Variants in MGAM observed in about 807,000 individuals in gnomAD.
MGAM encodes the protein alpha-1,4-glucosidase.
A neutral mutation model predicts 358.8 loss-of-function variants in MGAM; 253 were observed. The observed-to-expected ratio is 0.71, with a 90% confidence interval of 0.64 to 0.78. The LOEUF (loss-of-function observed/expected upper bound fraction) is 0.78. Among genes scored for constraint, MGAM ranks in the 30% least tolerant of loss-of-function variants. The probability of loss-of-function intolerance (pLI) is 0.00; values close to 1 mark genes in which losing one functional copy is unlikely to be tolerated. For missense variants in MGAM, 3,080 were observed against 3,432.6 expected (o/e 0.90, Z 2.57); for synonymous variants, 1,105 against 1,227.1 (o/e 0.90, Z 2.08).
At chr7:142,026,122 G>A (rs1806942079) in intron 8 of MGAM, among the ~76,000 whole-genome samples, 1 of 152,044 alleles carries the variant, frequency 6.6e-6, no homozygotes, top group East Asian at 1.9e-4. Context: ...TCCTAGATAC[G>A]AATCAAGGTA....
chr7:142,066,668 G>C lies in MGAM; in HGVS notation c.4866G>C (p.Leu1622Phe), dbSNP rs1250415420. 2 of 1,555,992 alleles carry C rather than the reference G, an allele frequency of 1.3e-6. No homozygotes were observed. The highest frequency in any genetic ancestry group is 4.6e-5 in the East Asian group (2 of 43,932). ...RYTLLPYLYT[L>F]MQKAHTEGVT... Reference sequence around the variant, plus strand: ...CCCTGTTGCCATATCTGTATACCTTGATGCAAAAGGCCCACACGGAGGGCG... The same window carrying C: ...CCCTGTTGCCATATCTGTATACCTTCATGCAAAAGGCCCACACGGAGGGCG... Residue 1622 changes from leucine to phenylalanine, a missense_variant, in exon 41 of 71, where the codon TTG becomes TTC. By Grantham distance (22) the Leu-to-Phe change is conservative (BLOSUM62 0). This residue lies in a region of MGAM where 134 missense variants were observed against 198.4 expected (regional missense o/e 0.68). Coordinates refer to ENST00000475668, the MANE Select transcript of MGAM (RefSeq NM_001365693.1).
chr7:142,057,044 T>C (rs1158617920), intron 30 of MGAM, 102 bp downstream of exon 30: 2 of 1,008,252 alleles, frequency 2.0e-6, no homozygotes, highest in South Asian at 1.8e-5. Context: ...CTGGAAATAT[T>C]GGTCTTTCTT....
At chr7:142,027,017 T>A (rs1807038380) in intron 8 of MGAM, 98 bp from the exon 9 acceptor site, 1 of 913,878 alleles carries the variant, frequency 1.1e-6, no homozygotes, top group Non-Finnish European at 1.8e-6. Context: ...ACCTTGTTAA[T>A]GTTCACATGG....
rs1357597528 is a variant in MGAM at position 142,063,594 on chromosome 7, G to A, written c.4345+8G>A. ...ACCCTCCCTACATGCCACGTAAGAAGCCTTGGCCTCCTTGACTGGCAGAGC... is the reference window on the plus strand; with the variant it reads ...ACCCTCCCTACATGCCACGTAAGAAACCTTGGCCTCCTTGACTGGCAGAGC... On this transcript the variant is annotated splice_region_variant and intron_variant, in intron 36 of 70. Transcript: ENST00000475668. 1 of 1,612,562 alleles carries A rather than the reference G, an allele frequency of 6.2e-7. No individual in the cohort carries two copies. The highest frequency in any genetic ancestry group is 8.5e-7 in the Non-Finnish European group (1 of 1,179,220).
At position 142,076,831 on chromosome 7, in the gene MGAM, A is replaced by G. The variant is rs1813787603; in HGVS notation, c.5493+5A>G. 6.4e-7 allele frequency: 1 copy of G among 1,551,384 alleles called. No homozygotes were observed. Among genetic ancestry groups the G allele is most frequent in the Non-Finnish European group, 8.9e-7 (1 of 1,128,806 alleles). On this transcript the variant is annotated splice_donor_5th_base_variant and intron_variant, in intron 47 of 70. Transcript: ENST00000475668. The stretch of plus-strand genomic sequence containing the variant: ...ACTTATGATTCTAACCTGAAGGTAA[A>G]AACCCATTTTGTTGAGATGGTACAT...
rs761554076 is a variant in MGAM, at chr7:142,083,416, AG to A, written c.6381+6del. 23 of 1,533,916 alleles carry A rather than the reference AG, an allele frequency of 1.5e-5. 2 individuals carry two copies. Among genetic ancestry groups the A allele is most frequent in the Non-Finnish European group, 2.1e-5 (23 of 1,116,548 alleles). ...TTGTCACCCAGCAGTACACTGAGGT[AG>A]GGAGAAATCCAATTGTTTATCAAGT... is the stretch of plus-strand genomic sequence containing the variant. On this transcript the variant is annotated splice_donor_region_variant and intron_variant, in intron 53 of 70. Coordinates refer to ENST00000475668, the MANE Select transcript of MGAM (RefSeq NM_001365693.1).
At position 142,090,814 on chromosome 7, in the gene MGAM, G is replaced by A. The variant is rs201234417; in HGVS notation, c.6811-1099G>A. 6.1e-5 allele frequency among the ~76,000 whole-genome samples: 9 copies of A among 146,622 alleles called. 1 individual carries two copies. The South Asian group carries it at 6.5e-4, about 11-fold the overall frequency. ...ACAAGCAACATTTATTTGCTGCTTC[G>A]AAGTGGTGTGAACCCACCATTAAAC... On this transcript the variant is annotated intron_variant, in intron 57 of 70. Transcript: ENST00000475668.
chr7:142,024,987 C>A, intron 7 of MGAM, 63 bp from the exon 8 acceptor site: 1 of 1,198,154 alleles, frequency 8.3e-7, no homozygotes, highest in Non-Finnish European at 1.2e-6. Flanking sequence ...CCTAAACCAA[C>A]CCCACAGTGT....
chr7:142,030,671 AG>A lies in MGAM; in HGVS notation c.1385del (p.Ser462IlefsTer13). ...DPAISNNSSS[S>X]KPYGPYDRGS... The stretch of plus-strand genomic sequence containing the variant: ...AGCCATCTCCAACAACTCTTCCTCA[AG>A]TAAACCCTATGGCCCATATGACAGG... On this transcript the variant is annotated frameshift_variant, in exon 12 of 71. Coordinates refer to ENST00000475668, the MANE Select transcript of MGAM (RefSeq NM_001365693.1). LOFTEE classifies it high-confidence loss of function. 1 of 1,613,230 alleles carries A rather than the reference AG, an allele frequency of 6.2e-7. No homozygotes were observed. Among genetic ancestry groups the A allele is most frequent in the Non-Finnish European group, 8.5e-7 (1 of 1,179,304 alleles).
chr7:142,042,529 AT>A (rs544158887), intron 21 of MGAM, among the ~76,000 whole-genome samples: 1 of 1,686 alleles, frequency 5.9e-4, no homozygotes, highest in East Asian at 0.022. Flanking sequence ...TATACATATT[AT>A]ATATATAATA....
chr7:142,098,115 AC>A (rs1816109864), intron 66 of MGAM, among the ~76,000 whole-genome samples: 1 of 152,176 alleles, frequency 6.6e-6, no homozygotes, highest in Non-Finnish European at 1.5e-5. Flanking sequence ...GCACATAATT[AC>A]CTAAGGTAAG....
rs201338625 is a variant in MGAM at position 142,052,930 on chromosome 7, G to A, written c.3105G>A (p.Val1035=). 2,063 of 1,613,774 alleles carry A rather than the reference G, an allele frequency of 1.3e-3. 3 individuals carry two copies. The highest frequency in any genetic ancestry group is 1.6e-3 in the Non-Finnish European group (1,909 of 1,179,834). ...VYANAFPSTP[V]NPLRLDVTYH... Reference sequence around the variant, plus strand: ...CCAATGCCTTCCCCTCCACACCCGTGAACCCCCTTCGCCTGGATGTCACTT... The same window carrying A: ...CCAATGCCTTCCCCTCCACACCCGTAAACCCCCTTCGCCTGGATGTCACTT... The change falls in exon 26 of 71, where the codon GTG becomes GTA. Residue 1035 remains valine, a synonymous_variant. Transcript: ENST00000475668.
intron 10 of MGAM, among the ~76,000 whole-genome samples, chr7:142,029,690 G>T (rs1369906413): frequency 6.6e-6 from 1 of 152,076 alleles, no homozygotes; most frequent in African/African-American, 2.4e-5. Flanking sequence ...AAACATTTTT[G>T]TACTTTGAAT....
chr7:141,998,985 C>G (rs1252394940), intron 1 of MGAM, among the ~76,000 whole-genome samples: 2 of 152,090 alleles, frequency 1.3e-5, no homozygotes, highest in Non-Finnish European at 2.9e-5. Flanking sequence ...CATTTACCCC[C>G]CACTTTTTCT....
At chr7:142,075,196 A>T (rs1417227322) in intron 45 of MGAM, among the ~76,000 whole-genome samples, 2 of 146,612 alleles carry the variant, frequency 1.4e-5, no homozygotes, top group Non-Finnish European at 3.1e-5. Flanking sequence ...CTATGTCTGA[A>T]AAATATTCTA....
At chr7:142,101,463 G>A (rs1816437551) in intron 68 of MGAM, among the ~76,000 whole-genome samples, 1 of 151,196 alleles carries the variant, frequency 6.6e-6, no homozygotes, top group Admixed American at 6.6e-5. Context: ...TGTGTGACAA[G>A]TGCATCTGAA....
rs1805097566 is a variant in MGAM at position 142,005,661 on chromosome 7, A to G, written c.127+4A>G. On this transcript the variant is annotated splice_donor_region_variant and intron_variant, in intron 2 of 70. Coordinates refer to ENST00000475668, the MANE Select transcript of MGAM (RefSeq NM_001365693.1). ...AAAGAGTCACTGAAATCAACAGGTA[A>G]GAAGTAACTCTGGGGCTCTCTCCAT... 1 of 1,600,912 alleles carries G rather than the reference A, an allele frequency of 6.2e-7. No homozygotes were observed. The highest frequency in any genetic ancestry group is 8.5e-7 in the Non-Finnish European group (1 of 1,173,202).
intron 18 of MGAM, among the ~76,000 whole-genome samples, chr7:142,037,609 T>C (rs1428796668): frequency 1.3e-5 from 2 of 152,196 alleles, no homozygotes; most frequent in Non-Finnish European, 2.9e-5. Flanking sequence ...GAAGTTTTTG[T>C]CTGCTCATGA....
At position 142,042,013 on chromosome 7, in the gene MGAM, TA is replaced by T. The variant is rs1213360919; in HGVS notation, c.2498+1169del. 2.0e-3 allele frequency among the ~76,000 whole-genome samples: 44 copies of T among 22,368 alleles called. 5 individuals are homozygous for T. The highest frequency in any genetic ancestry group is 0.012 in the African/African-American group (43 of 3,550). 14.7% of individuals were successfully genotyped at this position (22,368 alleles called of 152,430 possible). ...ATATATATATATTATATATATAATA[TA>T]ATATATATATATTATATTATATACA... is the stretch of plus-strand genomic sequence containing the variant. On this transcript the variant is annotated intron_variant, in intron 21 of 70. Coordinates refer to ENST00000475668, the MANE Select transcript of MGAM (RefSeq NM_001365693.1).
Sources: allele counts gnomAD v4.1 joint callset (sites outside exome capture counted in the v4.1 genomes callset), GRCh38; gene constraint gnomAD v4.1.1; regional missense constraint gnomAD v4.1.1; transcripts MANE v1.5; gene names NCBI Gene and HGNC (gene_info 2026-07-23, HGNC 2026-07-21).